DLEC1: variants seen among roughly 807,000 people sequenced by gnomAD.
DLEC1 encodes the protein DLEC1 cilia and flagella associated protein.
A neutral mutation model predicts 198.1 loss-of-function variants in DLEC1; 146 were observed. The observed-to-expected ratio is 0.74, with a 90% CI of 0.64 to 0.85. The LOEUF is 0.85. DLEC1 is among the 40% of genes least tolerant of loss of function. The pLI is 0.00. For missense variants in DLEC1, 2,233 were observed against 2,220.0 expected (o/e 1.01, Z -0.12); for synonymous variants, 897 against 866.8 (o/e 1.03, Z -0.61).
chr3:38,064,708 G>A (rs1032718116), intron 6 of DLEC1, among the ~76,000 whole-genome samples: 2 of 150,490 alleles, frequency 1.3e-5, no homozygotes, highest in Non-Finnish European at 2.9e-5. Flanking sequence ...ACGGGGTCGC[G>A]GCCGGGCAGA....
intron 2 of DLEC1, among the ~76,000 whole-genome samples, chr3:38,046,119 CA>C (rs1559391180): frequency 6.6e-6 from 1 of 152,196 alleles, no homozygotes; most frequent in Non-Finnish European, 1.5e-5. Context: ...GAGGATTACA[CA>C]ATGGTTTTGA....
intron 33 of DLEC1, among the ~76,000 whole-genome samples, 158 bp downstream of exon 33, chr3:38,118,182 C>A (rs974471729): frequency 3.3e-5 from 5 of 152,204 alleles, no homozygotes; most frequent in African/African-American, 1.2e-4. Flanking sequence ...GCACTCCCAC[C>A]AGAGACACCA....
chr3:38,102,037 C>T (rs1699332449), intron 19 of DLEC1, among the ~76,000 whole-genome samples: 1 of 152,206 alleles, frequency 6.6e-6, no homozygotes, highest in South Asian at 2.1e-4. Context: ...TCCCACCTTG[C>T]TGAATCCAAG....
At position 38,098,507 on chromosome 3, in the gene DLEC1, G is replaced by A. The variant is rs73825497; in HGVS notation, c.2724+605G>A. ...ATCACCAGCTACTCGCAAAATGCCC[G>A]CAGTGAGTCGTACATCACCGCCCCT... On this transcript the variant is annotated intron_variant, in intron 18 of 36. Coordinates refer to ENST00000308059, the MANE Select transcript of DLEC1 (RefSeq NM_007335.4). Among the ~76,000 whole-genome samples, 860 of 152,228 alleles carry A rather than the reference G, an allele frequency of 5.6e-3. 5 individuals carry two copies. The highest frequency in any genetic ancestry group is 0.02 in the African/African-American group (818 of 41,532).
intron 19 of DLEC1, among the ~76,000 whole-genome samples, chr3:38,106,611 C>T (rs1247299807): frequency 6.6e-6 from 1 of 151,994 alleles, no homozygotes; most frequent in Non-Finnish European, 1.5e-5. Flanking sequence ...CAAAAACTTG[C>T]CTGGCATGGT....
At chr3:38,079,179 A>G (rs1416234804) in intron 6 of DLEC1, among the ~76,000 whole-genome samples, 5 of 152,026 alleles carry the variant, frequency 3.3e-5, no homozygotes, top group South Asian at 2.1e-4. Flanking sequence ...GAAGAAGGGC[A>G]GCAATGAGAT....
chr3:38,058,769 A>G (rs1002130195), intron 2 of DLEC1, among the ~76,000 whole-genome samples: 9 of 152,036 alleles, frequency 5.9e-5, no homozygotes, highest in Non-Finnish European at 1.0e-4. Flanking sequence ...GTAGTAACAA[A>G]TGTATCTCTC....
At chr3:38,114,166 G>T (rs925132858) in intron 25 of DLEC1, among the ~76,000 whole-genome samples, 176 bp from the exon 26 acceptor site, 7 of 151,668 alleles carry the variant, frequency 4.6e-5, no homozygotes, top group Admixed American at 6.6e-5. Flanking sequence ...CAGGCTGCCT[G>T]GCTGGGAGGG....
At position 38,045,704 on chromosome 3, in the gene DLEC1, AG is replaced by A; in HGVS notation, c.562+12del. 6.2e-7 allele frequency: 1 copy of A among 1,603,326 alleles called. No homozygotes were observed. Among genetic ancestry groups the A allele is most frequent in the Non-Finnish European group, 8.5e-7 (1 of 1,175,782 alleles). ...TCAGGTTGCCTCCAGGTGTGTATAA[AG>A]AACTCCCACATGCCTGCCCAATTCC... On this transcript the variant is annotated intron_variant, in intron 2 of 36. Coordinates refer to ENST00000308059, the MANE Select transcript of DLEC1 (RefSeq NM_007335.4).
chr3:38,070,524 A>C (rs1697257584), intron 6 of DLEC1, among the ~76,000 whole-genome samples: 1 of 152,220 alleles, frequency 6.6e-6, no homozygotes, highest in African/African-American at 2.4e-5. Context: ...AGAGACTGCT[A>C]AACAAGCTTT....
At chr3:38,051,772 G>A (rs1701130009) in intron 2 of DLEC1, 1 of 158,156 alleles carries the variant, frequency 6.3e-6, no homozygotes, top group Non-Finnish European at 1.5e-5. Context: ...AAAATTAGGT[G>A]GTTACAACAG....
At chr3:38,045,773 T>C (rs1700861378) in intron 2 of DLEC1, 80 bp downstream of exon 2, 2 of 1,412,874 alleles carry the variant, frequency 1.4e-6, no homozygotes, top group African/African-American at 1.5e-5. Context: ...TTGCCCACTC[T>C]CTAGGCTTTT....
Position 38,122,719 on chromosome 3 carries a change from T to G in DLEC1, c.*307T>G. 3 of 1,363,500 alleles carry G rather than the reference T, an allele frequency of 2.2e-6. No individual in the cohort carries two copies. Among genetic ancestry groups the G allele is most frequent in the Non-Finnish European group, 1.9e-6 (2 of 1,044,366 alleles). 84.5% of individuals were successfully genotyped at this position (1,363,500 alleles called of 1,614,324 possible). A position where few individuals can be genotyped will look rare whatever the true frequency, so the allele number is the denominator to read the frequency against. Reference sequence around the variant, plus strand: ...AAAAAACCACAGCCACTAAGATAAATTCATGCACTTTTACTATGCCCATTG... The same window carrying G: ...AAAAAACCACAGCCACTAAGATAAAGTCATGCACTTTTACTATGCCCATTG... On this transcript the variant is annotated 3_prime_UTR_variant, in exon 37 of 37. Coordinates refer to ENST00000308059, the MANE Select transcript of DLEC1 (RefSeq NM_007335.4).
rs150227356 is a variant in DLEC1, at chr3:38,107,782, C to T, written c.3018+45C>T. ...CAGGCAGCAGTCTGCAGCCCTCAGC[C>T]ACAGAGGCCCACATAGAGGGGGGCA... On this transcript the variant is annotated intron_variant, in intron 20 of 36. Coordinates refer to ENST00000308059, the MANE Select transcript of DLEC1 (RefSeq NM_007335.4). 6.2e-4 allele frequency: 994 copies of T among 1,594,142 alleles called. 3 individuals are homozygous for T. The highest frequency in any genetic ancestry group is 7.9e-4 in the Non-Finnish European group (923 of 1,168,192).
In DLEC1 at chr3:38,117,973, G is replaced by T; in HGVS notation, c.4653G>T (p.Glu1551Asp). The T allele has an allele frequency of 6.2e-7, 1 of 1,613,682 alleles. No homozygotes were observed. Residue 1551 changes from glutamate to aspartate, a missense_variant, in exon 33 of 37, where the codon GAG becomes GAT. Transcript: ENST00000308059. Reference protein sequence around the residue: ...GPGQKQECEEETASADKQLVL... With the variant: ...GPGQKQECEEDTASADKQLVL... ...GCCAGAAGCAGGAGTGTGAGGAGGA[G>T]ACAGCCTCAGCGGACAAGCAGCTGG...
intron 2 of DLEC1, among the ~76,000 whole-genome samples, chr3:38,047,088 T>G (rs1054582008): frequency 2.6e-5 from 4 of 152,236 alleles, no homozygotes; most frequent in African/African-American, 9.6e-5. Context: ...GGTTGGTGTC[T>G]GCCAGGATTT....
rs1322424421 is a variant in DLEC1 at position 38,123,694 on chromosome 3, T to A, written c.*1282T>A. ...CTTAGAAAAAAACTTTTTTAAAAGA[T>A]TGATTTAAAAGATATTTACATTTTT... On this transcript the variant is annotated 3_prime_UTR_variant, in exon 37 of 37. Coordinates refer to ENST00000308059, the MANE Select transcript of DLEC1 (RefSeq NM_007335.4). 6.6e-6 allele frequency: 1 copy of A among 152,390 alleles called. No individual in the cohort carries two copies. The highest frequency in any genetic ancestry group is 1.5e-5 in the Non-Finnish European group (1 of 68,204). 9.4% of individuals were successfully genotyped at this position (152,390 alleles called of 1,614,324 possible). A position where few individuals can be genotyped will look rare whatever the true frequency, so the allele number is the denominator to read the frequency against.
chr3:38,077,970 A>G (rs1218330605), intron 6 of DLEC1, among the ~76,000 whole-genome samples: 3 of 152,214 alleles, frequency 2.0e-5, no homozygotes, highest in Non-Finnish European at 4.4e-5. Flanking sequence ...GGCTTGTACT[A>G]TAGCATAGCC....
chr3:38,072,085 G>T (rs1697349473), intron 6 of DLEC1, among the ~76,000 whole-genome samples: 1 of 152,144 alleles, frequency 6.6e-6, no homozygotes, highest in Admixed American at 6.5e-5. Context: ...AAGGAAATGT[G>T]GGGAAATGGG....
Sources: allele counts gnomAD v4.1 joint callset (sites outside exome capture counted in the v4.1 genomes callset), GRCh38; gene constraint gnomAD v4.1.1; transcripts MANE v1.5; gene names NCBI Gene and HGNC (gene_info 2026-07-23, HGNC 2026-07-21).